Variants in ARID4B observed in about 807,000 individuals in gnomAD.
ARID4B encodes AT-rich interactive domain-containing protein 4B.
In ARID4B, 26 loss-of-function variants were observed where a neutral mutation model predicts 147.5. The ratio of observed to expected loss-of-function variants is 0.18; its 90% confidence interval spans 0.13 to 0.24. The LOEUF (loss-of-function observed/expected upper bound fraction) is 0.24, where lower values mean the gene tolerates loss of function less well. Ranked by LOEUF, ARID4B falls within the 10% of genes least tolerant of loss-of-function variation. ARID4B has a pLI of 1.00. For synonymous variants in ARID4B, 512 were observed against 507.9 expected (o/e 1.01, Z -0.11); for missense variants, 1,179 against 1,511.5 (o/e 0.78, Z 3.65).
At chr1:235,290,626 A>T (rs1414806794) in intron 2 of ARID4B, among the ~76,000 whole-genome samples, 12 of 152,260 alleles carry the variant, frequency 7.9e-5, no homozygotes, top group African/African-American at 2.9e-4. Context: ...ATTATGTTAC[A>T]TCGTAAATCT....
At chr1:235,309,127 G>A (rs1247184189) in intron 2 of ARID4B, among the ~76,000 whole-genome samples, 11 of 142,606 alleles carry the variant, frequency 7.7e-5, no homozygotes, top group East Asian at 2.1e-4. Context: ...CTGCCCCGCC[G>A]CCCCGTCTGG....
intron 2 of ARID4B, among the ~76,000 whole-genome samples, chr1:235,310,041 G>A (rs1042381055): frequency 4.0e-5 from 6 of 151,840 alleles, no homozygotes; most frequent in Middle Eastern, 3.4e-3. Flanking sequence ...CAAACACTGC[G>A]GAAGGCCACA....
intron 2 of ARID4B, among the ~76,000 whole-genome samples, chr1:235,265,131 TGAGGCAGGTGGATCAC>T (rs1221335874): frequency 6.7e-6 from 1 of 150,072 alleles, no homozygotes; most frequent in Non-Finnish European, 1.5e-5. Context: ...TTTGGGAGGC[TGAGGCAGGTGGATCAC>T]GAGGTCAGGC....
intron 2 of ARID4B, among the ~76,000 whole-genome samples, chr1:235,315,545 T>C (rs1445380158): frequency 2.0e-5 from 3 of 152,254 alleles, no homozygotes; most frequent in African/African-American, 7.2e-5. Context: ...ACAGGTAAAT[T>C]TGTAACTTAA....
At chr1:235,274,618 G>C (rs1362986188) in intron 2 of ARID4B, among the ~76,000 whole-genome samples, 3 of 152,116 alleles carry the variant, frequency 2.0e-5, no homozygotes, top group Non-Finnish European at 4.4e-5. Flanking sequence ...AATTAAAAAT[G>C]TAATTTTTTA....
At chr1:235,234,524 T>C (rs567747309) in intron 8 of ARID4B, 32 bp from the exon 9 acceptor site, 12 of 1,456,786 alleles carry the variant, frequency 8.2e-6, no homozygotes, top group Admixed American at 3.7e-5. Context: ...CTATTATAAC[T>C]AAAAGAACTC....
chr1:235,212,160 G>A (rs1211615801), intron 17 of ARID4B, among the ~76,000 whole-genome samples: 1 of 152,096 alleles, frequency 6.6e-6, no homozygotes, highest in South Asian at 2.1e-4. Flanking sequence ...CACAAGAATC[G>A]CTTGAGCCTG....
intron 2 of ARID4B, among the ~76,000 whole-genome samples, chr1:235,272,817 T>G (rs914758539): frequency 3.3e-5 from 4 of 120,406 alleles, no homozygotes; most frequent in African/African-American, 1.1e-4. Flanking sequence ...AATGTCTATA[T>G]TAATTTATTA....
chr1:235,221,677 G>A lies in ARID4B; in HGVS notation c.1066-15C>T, dbSNP rs1264639419. On this transcript the variant is annotated splice_polypyrimidine_tract_variant and intron_variant, in intron 13 of 23. Coordinates refer to ENST00000264183, the MANE Select transcript of ARID4B (RefSeq NM_016374.6). ...CCACTTTCAATCTAATGGACAAAGT[G>A]AAACAAAAACTCTCAAATTAAAAGG... 7 of 1,465,816 alleles carry A rather than the reference G, an allele frequency of 4.8e-6. No individual in the cohort carries two copies. The highest frequency in any genetic ancestry group is 6.7e-6 in the Non-Finnish European group (7 of 1,051,220). 90.8% of individuals were successfully genotyped at this position (1,465,816 alleles called of 1,614,324 possible).
At chr1:235,265,894 C>T (rs547355511) in intron 2 of ARID4B, among the ~76,000 whole-genome samples, 21 of 151,676 alleles carry the variant, frequency 1.4e-4, no homozygotes, top group Non-Finnish European at 2.4e-4. Flanking sequence ...GCACACATTG[C>T]CAAATAAAGG....
At chr1:235,210,585 T>G (rs1666651458) in intron 17 of ARID4B, among the ~76,000 whole-genome samples, 1 of 152,224 alleles carries the variant, frequency 6.6e-6, no homozygotes, top group Non-Finnish European at 1.5e-5. Context: ...TTATGTTAAC[T>G]CTAAGAAGAT....
rs759816962 is a variant in ARID4B at position 235,181,853 on chromosome 1, G to T, written c.3066C>A (p.Thr1022=). 1.2e-6 allele frequency: 2 copies of T among 1,614,032 alleles called. No homozygotes were observed. Among genetic ancestry groups the T allele is most frequent in the Non-Finnish European group, 1.7e-6 (2 of 1,180,008 alleles). The change falls in exon 20 of 24, where the codon ACC becomes ACA. Residue 1022 remains threonine, a synonymous_variant. Transcript: ENST00000264183. The part of the protein sequence containing the change: ...PSSGSNSVLN[T]PPTTPESPSS... ...AAGGCGATTCAGGTGTAGTAGGAGG[G>T]GTATTTAGCACTGAATTACTGCCAC... is the stretch of plus-strand genomic sequence containing the variant.
intron 2 of ARID4B, among the ~76,000 whole-genome samples, chr1:235,283,154 T>C (rs548659053): frequency 6.6e-6 from 1 of 152,292 alleles, no homozygotes; most frequent in East Asian, 1.9e-4. Context: ...CAAAAACAAT[T>C]ATGTAGATAA....
At chr1:235,191,178 ATAGAG>A (rs955400008) in intron 19 of ARID4B, among the ~76,000 whole-genome samples, 48 of 152,256 alleles carry the variant, frequency 3.2e-4, no homozygotes, top group African/African-American at 1.1e-3. Flanking sequence ...GAGAATATAT[ATAGAG>A]TAGTCTGCTA....
chr1:235,204,072 C>T (rs1666136042), intron 17 of ARID4B, among the ~76,000 whole-genome samples: 1 of 152,120 alleles, frequency 6.6e-6, no homozygotes, highest in South Asian at 2.1e-4. Flanking sequence ...ATCTGTAAGA[C>T]TAACATTTTG....
At chr1:235,229,989 A>G (rs1668098432) in intron 10 of ARID4B, among the ~76,000 whole-genome samples, 1 of 152,260 alleles carries the variant, frequency 6.6e-6, no homozygotes, top group Non-Finnish European at 1.5e-5. Flanking sequence ...GAATAAGGGC[A>G]AAGAGAAGAC....
At chr1:235,288,056 C>T (rs934101918) in intron 2 of ARID4B, among the ~76,000 whole-genome samples, 10 of 152,312 alleles carry the variant, frequency 6.6e-5, no homozygotes, top group African/African-American at 2.4e-4. Context: ...CCTGTAATCC[C>T]AGCACTTTGG....
chr1:235,188,919 G>T (rs1664877758), intron 19 of ARID4B, among the ~76,000 whole-genome samples: 1 of 152,004 alleles, frequency 6.6e-6, no homozygotes, highest in Non-Finnish European at 1.5e-5. Context: ...ATTCTTAATA[G>T]GGAAGAGCTC....
chr1:235,173,802 ATATATATATATG>A (rs1364891331), intron 22 of ARID4B, among the ~76,000 whole-genome samples: 16 of 81,942 alleles, frequency 2.0e-4, no homozygotes, highest in African/African-American at 3.6e-4. Flanking sequence ...ATATATATAT[ATATATATATATG>A]TATACCTAAA....
Sources: gnomAD v4.1 joint callset for allele counts (sites outside exome capture counted in the v4.1 genomes callset) on GRCh38, gnomAD v4.1.1 for gene constraint, MANE v1.5 for transcripts, NCBI Gene and HGNC (gene_info 2026-07-23, HGNC 2026-07-21) for gene names.